Variants in BLTP1 observed in about 807,000 individuals in gnomAD.
BLTP1 encodes bridge-like lipid transfer protein family member 1.
chr4:122,301,262 TAAA>T, the BLTP1 span: 2 of 1,345,480 alleles, frequency 1.5e-6, no homozygotes, highest in Non-Finnish European at 1.0e-6. Flanking sequence ...TTTTTTTCTT[TAAA>T]AAAAAAAATT....
the BLTP1 span, chr4:122,225,664 G>A: frequency 1.3e-5 from 2 of 151,986 alleles, no homozygotes; most frequent in African/African-American, 2.4e-5. Flanking sequence ...GGAGTTGAAC[G>A]TCATCTCAAT....
the BLTP1 span, among the ~76,000 whole-genome samples, chr4:122,265,857 C>G: frequency 6.6e-6 from 1 of 152,156 alleles, no homozygotes; most frequent in African/African-American, 2.4e-5. Context: ...GCCACTATGC[C>G]CAGCTAATTT....
chr4:122,324,292 A>G, the BLTP1 span: 1 of 834,888 alleles, frequency 1.2e-6, no homozygotes, highest in East Asian at 3.0e-5. Flanking sequence ...CTCTATTTTG[A>G]CTCATATTGT....
chr4:122,238,319 C>A, the BLTP1 span: 2 of 1,614,030 alleles, frequency 1.2e-6, no homozygotes, highest in Non-Finnish European at 1.7e-6. Flanking sequence ...AGAGTTCTTG[C>A]ATGGGACAAA....
chr4:122,272,744 T>A, the BLTP1 span, among the ~76,000 whole-genome samples: 1 of 152,090 alleles, frequency 6.6e-6, no homozygotes, highest in Non-Finnish European at 1.5e-5. Flanking sequence ...AAAATTTGCT[T>A]TTGTTAACTA....
the BLTP1 span, among the ~76,000 whole-genome samples, chr4:122,217,026 C>G: frequency 6.6e-6 from 1 of 151,988 alleles, no homozygotes; most frequent in Admixed American, 6.6e-5. Context: ...GTTTTTGTTT[C>G]TTATTTTGTT....
chr4:122,320,332 G>A, the BLTP1 span, among the ~76,000 whole-genome samples: 2 of 152,050 alleles, frequency 1.3e-5, no homozygotes, highest in East Asian at 3.9e-4. Flanking sequence ...AACATTTTTT[G>A]TGGGGACAGG....
At chr4:122,246,852 G>A in the BLTP1 span, 3 of 1,589,352 alleles carry the variant, frequency 1.9e-6, no homozygotes, top group East Asian at 2.2e-5. Context: ...TTATCTTGCT[G>A]GATGTAAAAG....
At chr4:122,179,820 C>A in the BLTP1 span, 1 of 984,194 alleles carries the variant, frequency 1.0e-6, no homozygotes, top group Non-Finnish European at 1.2e-6. Context: ...AGTGCTAGTA[C>A]ACTCACTGTA....
At chr4:122,171,542 G>A in the BLTP1 span, among the ~76,000 whole-genome samples, 1 of 152,018 alleles carries the variant, frequency 6.6e-6, no homozygotes, top group Non-Finnish European at 1.5e-5. Context: ...TTAATGCTCA[G>A]AGTAGCTTTA....
chr4:122,343,936 G>T, the BLTP1 span: 15 of 907,266 alleles, frequency 1.7e-5, no homozygotes, highest in African/African-American at 2.5e-4. Flanking sequence ...AACAAACTGC[G>T]TAGAAAGTAA....
chr4:122,262,605 T>TA, the BLTP1 span: 3 of 400,194 alleles, frequency 7.5e-6, no homozygotes, highest in Middle Eastern at 1.3e-3. Context: ...AGGACGTATG[T>TA]AAAAAGGATT....
At chr4:122,194,057 T>C in the BLTP1 span, among the ~76,000 whole-genome samples, 1 of 151,770 alleles carries the variant, frequency 6.6e-6, no homozygotes, top group Non-Finnish European at 1.5e-5. Context: ...AGAGACGGGG[T>C]TTCACCGTTT....
chr4:122,267,051 A>ATT, the BLTP1 span: 1,542 of 151,534 alleles, frequency 0.01, 63 homozygotes, highest in East Asian at 0.027. Flanking sequence ...TAAGGAAGTA[A>ATT]TTTTTTTTTT....
At chr4:122,152,919 C>T in the BLTP1 span, 4 of 886,488 alleles carry the variant, frequency 4.5e-6, no homozygotes, top group South Asian at 2.1e-4. Context: ...CGGACTGCAG[C>T]CTTGCCAGCT....
chr4:122,232,776 G>A, the BLTP1 span, among the ~76,000 whole-genome samples: 15 of 152,080 alleles, frequency 9.9e-5, no homozygotes, highest in Non-Finnish European at 2.1e-4. Context: ...CCTCAAGGTT[G>A]CTTGCTCCCA....
chr4:122,194,794 A>G, the BLTP1 span: 744 of 580,028 alleles, frequency 1.3e-3, 4 homozygotes, highest in Non-Finnish European at 1.4e-3. Context: ...TAGAGAAATG[A>G]CAGTGAAGAT....
At chr4:122,187,460 C>T in the BLTP1 span, 1 of 1,611,976 alleles carries the variant, frequency 6.2e-7, no homozygotes, top group African/African-American at 1.3e-5. Context: ...TCCCAAGACC[C>T]CACATCTTCA....
At chr4:122,253,809 C>T in the BLTP1 span, among the ~76,000 whole-genome samples, 14 of 151,930 alleles carry the variant, frequency 9.2e-5, no homozygotes, top group Admixed American at 2.0e-4. Flanking sequence ...TAGAGAATAC[C>T]GAGCAGATTT....
Sources: allele counts gnomAD v4.1 joint callset (sites outside exome capture counted in the v4.1 genomes callset), GRCh38; gene constraint gnomAD v4.1.1; transcripts MANE v1.5; gene names NCBI Gene and HGNC (gene_info 2026-07-23, HGNC 2026-07-21).